USH2A: variants seen among roughly 807,000 people sequenced by gnomAD.
USH2A encodes Usher syndrome 2A (autosomal recessive, mild).
Under a neutral mutation model 538.9 loss-of-function variants are expected in USH2A, and 443 were observed. That is an observed-to-expected ratio of 0.82 (90% CI 0.76 to 0.89). USH2A has a LOEUF of 0.89. USH2A is among the 40% of genes least tolerant of loss of function. USH2A has a pLI of 0.00. For synonymous variants in USH2A, 2,413 were observed against 2,273.5 expected, an observed-to-expected ratio of 1.06 and a Z score of -1.75; for missense variants, 6,633 against 6,324.8, an observed-to-expected ratio of 1.05 and a Z score of -1.65.
chr1:215,632,605 A>G (rs78354901), intron 70 of USH2A, among the ~76,000 whole-genome samples: 234 of 152,262 alleles, frequency 1.5e-3, no homozygotes, highest in African/African-American at 5.4e-3. Context: ...ACCGCACCTC[A>G]CATTATACAG....
intron 8 of USH2A, among the ~76,000 whole-genome samples, chr1:216,322,388 A>T (rs953208370): frequency 6.6e-6 from 1 of 151,876 alleles, no homozygotes; most frequent in Non-Finnish European, 1.5e-5. Context: ...AGATCACTTG[A>T]GGTCAGGAGT....
At chr1:216,060,618 C>T (rs942409733) in intron 30 of USH2A, among the ~76,000 whole-genome samples, 2 of 152,036 alleles carry the variant, frequency 1.3e-5, no homozygotes, top group Admixed American at 6.5e-5. Flanking sequence ...CCTGAAGAAG[C>T]AATATAACCC....
Position 215,950,817 on chromosome 1 carries a change from C to G in USH2A, c.7120+14500G>C, listed in dbSNP as rs192048358. On this transcript the variant is annotated intron_variant, in intron 37 of 71. Coordinates refer to ENST00000307340, the MANE Select transcript of USH2A (RefSeq NM_206933.4). ...GCCCCTGCACCTGGTCTAACTGGTA[C>G]CATTTTAACAAAACTGTCTCTGAAG... Among the ~76,000 whole-genome samples the G allele has an allele frequency of 1.2e-3, 182 of 152,164 alleles. 2 individuals carry two copies. The highest frequency in any genetic ancestry group is 0.011 in the Admixed American group (167 of 15,284).
At chr1:215,683,284 C>T (rs1483625683) in intron 61 of USH2A, among the ~76,000 whole-genome samples, 1 of 151,726 alleles carries the variant, frequency 6.6e-6, no homozygotes, top group African/African-American at 2.4e-5. Context: ...ATATAGACTC[C>T]TTAAATAGAT....
At chr1:216,063,388 C>T (rs1004185161) in intron 30 of USH2A, among the ~76,000 whole-genome samples, 4 of 152,162 alleles carry the variant, frequency 2.6e-5, no homozygotes, top group African/African-American at 9.7e-5. Flanking sequence ...ACATTCCCTC[C>T]TCATTATCCT....
rs531539506 is a variant in USH2A, at chr1:215,700,020, G to T, written c.12067-19644C>A. On this transcript the variant is annotated intron_variant, in intron 61 of 71. Coordinates refer to ENST00000307340, the MANE Select transcript of USH2A (RefSeq NM_206933.4). The stretch of plus-strand genomic sequence containing the variant: ...TATTGAGTGGTTTTAGCATGAAGGG[G>T]TGCTGAATTTTATTGAAGGCCTTTT... 5.9e-5 allele frequency among the ~76,000 whole-genome samples: 9 copies of T among 152,180 alleles called. No individual in the cohort carries two copies. In the Middle Eastern group the frequency reaches 0.01, roughly 173 times the overall value.
chr1:215,669,083 CTT>C (rs1445617244), intron 64 of USH2A, among the ~76,000 whole-genome samples: 4 of 152,120 alleles, frequency 2.6e-5, no homozygotes, highest in Non-Finnish European at 4.4e-5. Flanking sequence ...TGGAATGAGA[CTT>C]CCACAGATCA....
chr1:215,791,514 C>G (rs1661981110), intron 50 of USH2A, among the ~76,000 whole-genome samples: 1 of 152,142 alleles, frequency 6.6e-6, no homozygotes, highest in Admixed American at 6.5e-5. Flanking sequence ...CCAAAGAACC[C>G]TCTCATTCAT....
chr1:215,944,756 T>G (rs1487431874), intron 37 of USH2A, among the ~76,000 whole-genome samples: 2 of 152,150 alleles, frequency 1.3e-5, no homozygotes, highest in Non-Finnish European at 2.9e-5. Flanking sequence ...GGGTTTACTA[T>G]TTTAACTCCT....
At chr1:216,115,314 A>G (rs2032980301) in intron 21 of USH2A, among the ~76,000 whole-genome samples, 1 of 151,954 alleles carries the variant, frequency 6.6e-6, no homozygotes, top group Admixed American at 6.6e-5. Flanking sequence ...GCTAATTTTT[A>G]AAAGACTTTT....
chr1:216,272,797 A>G (rs1012306396), intron 11 of USH2A, among the ~76,000 whole-genome samples: 2 of 152,168 alleles, frequency 1.3e-5, no homozygotes, highest in African/African-American at 4.8e-5. Flanking sequence ...TAGGTTGAGA[A>G]AGAGGGAGAA....
At chr1:216,235,815 A>C (rs905000945) in intron 13 of USH2A, among the ~76,000 whole-genome samples, 2 of 152,194 alleles carry the variant, frequency 1.3e-5, no homozygotes, top group African/African-American at 4.8e-5. Context: ...ACTAATTGTA[A>C]GACATTTAGA....
intron 47 of USH2A, among the ~76,000 whole-genome samples, chr1:215,832,284 TG>T (rs1244754417): frequency 1.3e-5 from 2 of 151,948 alleles, no homozygotes; most frequent in Non-Finnish European, 2.9e-5. Context: ...CAAGTTAGTA[TG>T]AGACCAGAAA....
rs1660886556 is a variant in USH2A, at chr1:215,758,693, A to T, written c.11291T>A (p.Ile3764Asn). ...TGGTGTTGACATAGGTGTTTGAACA[A>T]TGTAATCATCACTAGCACTGCTGCC... ...GGGSSASDDY[I>N]VQTPMSTPEE... The change falls in exon 58 of 72, where the codon ATT becomes AAT. Residue 3764 changes from isoleucine to asparagine, a missense_variant. Coordinates refer to ENST00000307340, the MANE Select transcript of USH2A (RefSeq NM_206933.4). The T allele has an allele frequency of 6.2e-7, 1 of 1,614,034 alleles. No individual in the cohort carries two copies. Among genetic ancestry groups the T allele is most frequent in the South Asian group, 1.1e-5 (1 of 91,086 alleles).
chr1:216,286,647 C>G (rs1299713908), intron 11 of USH2A, among the ~76,000 whole-genome samples: 1 of 152,064 alleles, frequency 6.6e-6, no homozygotes, highest in African/African-American at 2.4e-5. Context: ...TAGCTTGAAC[C>G]CCAGAGGTGG....
intron 3 of USH2A, among the ~76,000 whole-genome samples, chr1:216,402,200 A>C (rs1327418584): frequency 6.6e-6 from 1 of 152,138 alleles, no homozygotes; most frequent in Non-Finnish European, 1.5e-5. Context: ...CTGAATTCAC[A>C]CTGAATGTGT....
chr1:216,343,417 G>A (rs2038114359), intron 4 of USH2A, among the ~76,000 whole-genome samples: 1 of 148,542 alleles, frequency 6.7e-6, no homozygotes, highest in Non-Finnish European at 1.5e-5. Context: ...GTGTGCACCT[G>A]TACTCCCAGC....
intron 35 of USH2A, among the ~76,000 whole-genome samples, chr1:215,982,782 G>A (rs1016585592): frequency 1.3e-5 from 2 of 152,132 alleles, no homozygotes; most frequent in African/African-American, 4.8e-5. Context: ...CAATCTAAGC[G>A]AAAGAACAGA....
chr1:216,000,898 A>C (rs1668252285), intron 32 of USH2A, among the ~76,000 whole-genome samples: 1 of 152,166 alleles, frequency 6.6e-6, no homozygotes, highest in African/African-American at 2.4e-5. Context: ...GAGATGTTTA[A>C]ATTATTTTAA....
Sources: allele counts gnomAD v4.1 joint callset (sites outside exome capture counted in the v4.1 genomes callset), GRCh38; gene constraint gnomAD v4.1.1; transcripts MANE v1.5; gene names NCBI Gene and HGNC (gene_info 2026-07-23, HGNC 2026-07-21).